The following ENOX2 variants were observed in gnomAD, a reference collection of about 807,000 sequenced individuals.
The protein encoded by ENOX2 is ecto-NOX disulfide-thiol exchanger 2, also known as APK1 antigen.
In ENOX2, 36 loss-of-function variants were observed where a neutral mutation model predicts 45.0. The ratio of observed to expected loss-of-function variants is 0.80; its 90% CI spans 0.61 to 1.06. The LOEUF is 1.06. Ranked by LOEUF, ENOX2 falls within the 50% of genes least tolerant of loss-of-function variation. ENOX2 has a pLI of 0.00. For missense variants in ENOX2, 423 were observed against 462.5 expected (o/e 0.91, Z 0.78); for synonymous variants, 174 against 152.3 (o/e 1.14, Z -1.05).
intron 10 of ENOX2, among the ~76,000 whole-genome samples, chrX:130,645,514 T>C (rs900257051): frequency 8.8e-6 from 1 of 113,008 alleles, no homozygotes; most frequent in African/African-American, 3.2e-5. Flanking sequence ...ACATGCCAAA[T>C]TAATGGAAAC....
chrX:130,774,664 G>A (rs1569500156), intron 3 of ENOX2, among the ~76,000 whole-genome samples: 1 of 112,042 alleles, frequency 8.9e-6, no homozygotes, highest in African/African-American at 3.2e-5. Flanking sequence ...ATGTGACAAT[G>A]CTGAAATGGC....
intron 2 of ENOX2, among the ~76,000 whole-genome samples, chrX:130,836,009 C>G (rs141594735): frequency 8.9e-6 from 1 of 112,356 alleles, no homozygotes; most frequent in African/African-American, 3.2e-5. Flanking sequence ...CCTTCACCAT[C>G]AGCCAACGAA....
intron 2 of ENOX2, among the ~76,000 whole-genome samples, chrX:130,885,571 C>T (rs1036943914): frequency 1.8e-5 from 2 of 112,215 alleles, no homozygotes. Flanking sequence ...TCACTATTAG[C>T]ATACAAATAA....
At chrX:130,632,637 C>T (rs781422599) in intron 12 of ENOX2, among the ~76,000 whole-genome samples, 5 of 111,950 alleles carry the variant, frequency 4.5e-5, no homozygotes, top group Admixed American at 3.8e-4. Context: ...CTTCTCTTTC[C>T]ACAAACCCTT....
At chrX:130,697,068 T>C (rs1393258051) in intron 4 of ENOX2, among the ~76,000 whole-genome samples, 1 of 111,707 alleles carries the variant, frequency 9.0e-6, no homozygotes, top group Non-Finnish European at 1.9e-5. Flanking sequence ...ATAAGCTGCC[T>C]CAAAGTCTTT....
rs148241412 is a variant in ENOX2 at position 130,695,386 on chromosome X, T to C, written c.98-6368A>G. 5.7e-4 allele frequency among the ~76,000 whole-genome samples: 64 copies of C among 111,714 alleles called. No homozygotes were observed. The East Asian group carries it at 0.012, about 20-fold the overall frequency. On this transcript the variant is annotated intron_variant, in intron 4 of 14. Coordinates refer to ENST00000394363, the MANE Select transcript of ENOX2 (RefSeq NM_006375.4). Reference sequence around the variant, plus strand: ...AGGCAAAGGTAGGAAGTGACACACATTGACTATCTTGCTTACAATTTTCAG... The same window carrying C: ...AGGCAAAGGTAGGAAGTGACACACACTGACTATCTTGCTTACAATTTTCAG...
At chrX:130,801,480 AG>A (rs1177605758) in intron 2 of ENOX2, among the ~76,000 whole-genome samples, 1 of 112,067 alleles carries the variant, frequency 8.9e-6, no homozygotes, top group African/African-American at 3.2e-5. Context: ...CACTGATTAA[AG>A]AAAAAGTGTA....
At chrX:130,883,149 T>C (rs921953816) in intron 2 of ENOX2, among the ~76,000 whole-genome samples, 2 of 111,806 alleles carry the variant, frequency 1.8e-5, no homozygotes, top group Non-Finnish European at 1.9e-5. Flanking sequence ...TTGCTCTTGT[T>C]GCCCAGGATG....
chrX:130,877,075 T>C (rs1346171271), intron 2 of ENOX2, among the ~76,000 whole-genome samples: 1 of 111,973 alleles, frequency 8.9e-6, no homozygotes, highest in African/African-American at 3.2e-5. Context: ...AAAATCCTTC[T>C]GAACTTTTAT....
rs770425858 is a variant in ENOX2 at position 130,628,107 on chromosome X, G to A, written c.1529-64C>T. ...GTATTTCTCGAGGTTCCACATGACA[G>A]TGAATAGCAAGAGCTGACTCATATG... On this transcript the variant is annotated intron_variant, in intron 13 of 14. Coordinates refer to ENST00000394363, the MANE Select transcript of ENOX2 (RefSeq NM_006375.4). 3.4e-5 allele frequency: 26 copies of A among 757,237 alleles called. No homozygotes were observed. In the Admixed American group the frequency reaches 5.8e-4, roughly 17 times the overall value. The allele number at this position is 757,237 out of a possible 1,213,427, so 62.4% of individuals were successfully genotyped here. A position where few individuals can be genotyped will look rare whatever the true frequency, so the allele number is the denominator to read the frequency against.
chrX:130,860,779 C>CA (rs2148535286), intron 2 of ENOX2, among the ~76,000 whole-genome samples: 1 of 111,752 alleles, frequency 8.9e-6, no homozygotes, highest in African/African-American at 3.2e-5. Flanking sequence ...TGCTCATACA[C>CA]CTGTAATCTC....
At chrX:130,886,444 C>T (rs1042503286) in intron 2 of ENOX2, among the ~76,000 whole-genome samples, 2 of 112,229 alleles carry the variant, frequency 1.8e-5, no homozygotes, top group African/African-American at 6.5e-5. Flanking sequence ...TTTTCATTTG[C>T]AAGGGACCTT....
Position 130,836,041 on chromosome X carries a change from A to G in ENOX2, c.-182-52351T>C, listed in dbSNP as rs546895391. On this transcript the variant is annotated intron_variant, in intron 2 of 14. Coordinates refer to ENST00000394363, the MANE Select transcript of ENOX2 (RefSeq NM_006375.4). ...CGAAAGACTTCAGTTATTCTTCACT[A>G]AAAATGACAGTCTGCAAGTATTTTG... Among the ~76,000 whole-genome samples, 4 of 112,261 alleles carry G rather than the reference A, an allele frequency of 3.6e-5. No individual in the cohort carries two copies. In the South Asian group the frequency reaches 1.1e-3, roughly 31 times the overall value.
Position 130,825,757 on chromosome X carries a change from T to C in ENOX2, c.-182-42067A>G, listed in dbSNP as rs138500368. On this transcript the variant is annotated intron_variant, in intron 2 of 14. Transcript: ENST00000394363. Reference sequence around the variant, plus strand: ...GAGTAGCCATGCTGTATACACTACCTACCCATTAGTCACTTAGTAGACCTC... The same window carrying C: ...GAGTAGCCATGCTGTATACACTACCCACCCATTAGTCACTTAGTAGACCTC... Among the ~76,000 whole-genome samples the C allele has an allele frequency of 8.4e-3, 932 of 111,154 alleles. 10 individuals carry two copies. The highest frequency in any genetic ancestry group is 0.029 in the African/African-American group (881 of 30,641).
intron 4 of ENOX2, among the ~76,000 whole-genome samples, chrX:130,698,328 G>C (rs781170375): frequency 4.6e-5 from 5 of 109,371 alleles, no homozygotes; most frequent in Non-Finnish European, 9.5e-5. Flanking sequence ...ATGACGCCTC[G>C]GTCTTTTTTT....
Position 130,719,473 on chromosome X carries a change from A to C in ENOX2, c.-38-16219T>G, listed in dbSNP as rs748876461. Among the ~76,000 whole-genome samples the C allele has an allele frequency of 3.6e-3, 395 of 110,331 alleles. 2 individuals carry two copies. Among genetic ancestry groups the C allele is most frequent in the African/African-American group, 0.012 (376 of 30,295 alleles). On this transcript the variant is annotated intron_variant, in intron 3 of 14. Transcript: ENST00000394363. ...ATCTGCTGCTAAGAAAAAAAAAAAA[A>C]AAAAAACCAGACAGGGCTTAAACAC... is the stretch of plus-strand genomic sequence containing the variant.
At chrX:130,708,479 A>G (rs1048288913) in intron 3 of ENOX2, among the ~76,000 whole-genome samples, 5 of 111,980 alleles carry the variant, frequency 4.5e-5, no homozygotes, top group African/African-American at 1.6e-4. Flanking sequence ...CAATGCTCAC[A>G]ATGTAACTCA....
chrX:130,859,741 G>A (rs1437218598), intron 2 of ENOX2, among the ~76,000 whole-genome samples: 1 of 111,870 alleles, frequency 8.9e-6, no homozygotes, highest in Non-Finnish European at 1.9e-5. Flanking sequence ...AAATAAGGGA[G>A]GCAAGAAGAC....
At chrX:130,633,458 G>GA (rs762400042) in intron 12 of ENOX2, among the ~76,000 whole-genome samples, 7 of 112,159 alleles carry the variant, frequency 6.2e-5, no homozygotes, top group Non-Finnish European at 1.3e-4. Flanking sequence ...AAAATAACAA[G>GA]AAAAAAACAT....
Sources: gnomAD v4.1 joint callset for allele counts (sites outside exome capture counted in the v4.1 genomes callset) on GRCh38, gnomAD v4.1.1 for gene constraint, MANE v1.5 for transcripts, NCBI Gene and HGNC (gene_info 2026-07-23, HGNC 2026-07-21) for gene names.